CNTNAP4: variants seen among roughly 807,000 people sequenced by gnomAD.
CNTNAP4 encodes contactin associated protein family member 4.
Under a neutral mutation model 148.4 loss-of-function variants are expected in CNTNAP4, and 98 were observed. The observed-to-expected ratio is 0.66, with a 90% CI of 0.56 to 0.78. The LOEUF (loss-of-function observed/expected upper bound fraction) is 0.78. Ranked by LOEUF, CNTNAP4 falls within the 30% of genes least tolerant of loss-of-function variation. The probability of loss-of-function intolerance (pLI) is 0.00; values close to 1 mark genes in which losing one functional copy is unlikely to be tolerated. For synonymous variants in CNTNAP4, 730 were observed against 565.1 expected, an observed-to-expected ratio of 1.29 and a Z score of -4.14; for missense variants, 1,935 against 1,565.6, an observed-to-expected ratio of 1.24 and a Z score of -3.98.
Position 76,448,145 on chromosome 16 carries a change from G to A in CNTNAP4, c.672G>A (p.Arg224=). The part of the protein sequence containing the change: ...TMQSDGILLH[R]EGPNGDHITL... Reference sequence around the variant, plus strand: ...AGAGTGATGGGATTCTACTCCACAGGGAAGGGCCAAATGGAGATCACATCA... The same window carrying A: ...AGAGTGATGGGATTCTACTCCACAGAGAAGGGCCAAATGGAGATCACATCA... Residue 224 remains arginine, a synonymous_variant, in exon 5 of 24, where the codon AGG becomes AGA. Transcript: ENST00000611870. The A allele has an allele frequency of 6.2e-7, 1 of 1,613,522 alleles. No homozygotes were observed. Among genetic ancestry groups the A allele is most frequent in the East Asian group, 2.2e-5 (1 of 44,828 alleles).
At chr16:76,525,757 A>ATATTG (rs1241826601) in intron 17 of CNTNAP4, among the ~76,000 whole-genome samples, 1 of 146,674 alleles carries the variant, frequency 6.8e-6, no homozygotes, top group Admixed American at 6.9e-5. Flanking sequence ...AATATAGCTT[A>ATATTG]TATATAAACA....
At chr16:76,493,282 G>A (rs1488352829) in intron 13 of CNTNAP4, among the ~76,000 whole-genome samples, 1 of 152,160 alleles carries the variant, frequency 6.6e-6, no homozygotes, top group Admixed American at 6.5e-5. Context: ...TGAATAAAGT[G>A]AAATGTGTAT....
At position 76,409,586 on chromosome 16, in the gene CNTNAP4, A is replaced by G. The variant is rs569666418; in HGVS notation, c.391-17866A>G. Among the ~76,000 whole-genome samples the G allele has an allele frequency of 8.3e-4, 126 of 152,178 alleles. 1 individual carries two copies. The highest frequency in any genetic ancestry group is 2.9e-3 in the African/African-American group (120 of 41,568). On this transcript the variant is annotated intron_variant, in intron 3 of 23. Transcript: ENST00000611870. ...AATTATATGCAAAGGCAAACTAGTT[A>G]AAAAGAAAATAAAACTCTACAGTAA... is the stretch of plus-strand genomic sequence containing the variant.
intron 3 of CNTNAP4, among the ~76,000 whole-genome samples, chr16:76,364,442 C>G (rs1031183799): frequency 6.6e-6 from 1 of 151,978 alleles, no homozygotes; most frequent in Non-Finnish European, 1.5e-5. Flanking sequence ...AGTGTACACC[C>G]CCATTCCAGT....
chr16:76,464,997 C>A (rs1261905920), intron 9 of CNTNAP4, among the ~76,000 whole-genome samples: 1 of 152,178 alleles, frequency 6.6e-6, no homozygotes, highest in African/African-American at 2.4e-5. Context: ...CAACATGCAG[C>A]ACAATCTGGG....
intron 12 of CNTNAP4, among the ~76,000 whole-genome samples, chr16:76,481,675 C>G (rs1450326092): frequency 6.6e-6 from 1 of 152,082 alleles, no homozygotes; most frequent in Non-Finnish European, 1.5e-5. Context: ...TTTTATGGAG[C>G]AAAACCAAAG....
intron 3 of CNTNAP4, among the ~76,000 whole-genome samples, chr16:76,384,572 G>A (rs1006517940): frequency 2.0e-5 from 3 of 152,136 alleles, no homozygotes; most frequent in African/African-American, 7.2e-5. Flanking sequence ...CGCACTTGGA[G>A]AGTGTGGGAT....
chr16:76,309,022 T>C (rs1047053638), intron 1 of CNTNAP4, among the ~76,000 whole-genome samples: 2 of 151,578 alleles, frequency 1.3e-5, no homozygotes, highest in African/African-American at 4.9e-5. Flanking sequence ...CTTAGGCTGA[T>C]CTTGAACTCC....
chr16:76,289,841 G>T (rs1237203132), intron 1 of CNTNAP4, among the ~76,000 whole-genome samples: 3 of 152,070 alleles, frequency 2.0e-5, no homozygotes, highest in Non-Finnish European at 4.4e-5. Context: ...AAAGTGCTGG[G>T]ATTACAGGCA....
chr16:76,499,543 T>TTTTA (rs906107990), intron 15 of CNTNAP4, among the ~76,000 whole-genome samples: 60 of 152,028 alleles, frequency 3.9e-4, no homozygotes, highest in African/African-American at 1.1e-3. Flanking sequence ...CCAAGTTCTT[T>TTTTA]TTTATTTATT....
intron 15 of CNTNAP4, among the ~76,000 whole-genome samples, chr16:76,514,583 G>T (rs1312208639): frequency 1.3e-5 from 2 of 152,096 alleles, no homozygotes; most frequent in Non-Finnish European, 2.9e-5. Flanking sequence ...ATGTGTGGGG[G>T]TGGTTAGGGG....
At chr16:76,401,172 A>G (rs1251879908) in intron 3 of CNTNAP4, among the ~76,000 whole-genome samples, 1 of 152,266 alleles carries the variant, frequency 6.6e-6, no homozygotes, top group African/African-American at 2.4e-5. Context: ...ATCTATGAGC[A>G]TGGAATGTTT....
chr16:76,420,405 T>C (rs377278621), intron 3 of CNTNAP4, among the ~76,000 whole-genome samples: 1 of 151,952 alleles, frequency 6.6e-6, no homozygotes, highest in South Asian at 2.1e-4. Flanking sequence ...TTCTGCAAAG[T>C]GTAATTTCAT....
chr16:76,318,711 TAGAG>T (rs961309109), intron 2 of CNTNAP4, among the ~76,000 whole-genome samples: 13 of 78,854 alleles, frequency 1.6e-4, no homozygotes, highest in South Asian at 6.2e-4. Flanking sequence ...ATTTATTTAT[TAGAG>T]AGAATAAATT....
At chr16:76,499,970 C>A (rs1198224486) in intron 15 of CNTNAP4, among the ~76,000 whole-genome samples, 1 of 152,162 alleles carries the variant, frequency 6.6e-6, no homozygotes, top group Non-Finnish European at 1.5e-5. Context: ...TCTACACAGA[C>A]ACAGTAACAA....
chr16:76,473,358 T>C lies in CNTNAP4; in HGVS notation c.1656-2581T>C, dbSNP rs150202250. ...GAGATTGTCAGTGACATTTCTTTTT[T>C]ATTTTTTCCTGGATTGTTTAATTTC... On this transcript the variant is annotated intron_variant, in intron 10 of 23. Coordinates refer to ENST00000611870, the MANE Select transcript of CNTNAP4 (RefSeq NM_033401.5). Among the ~76,000 whole-genome samples, 1,207 of 152,344 alleles carry C rather than the reference T, an allele frequency of 7.9e-3. 6 individuals are homozygous for C. Among genetic ancestry groups the C allele is most frequent in the African/African-American group, 0.016 (664 of 41,580 alleles).
At position 76,407,100 on chromosome 16, in the gene CNTNAP4, C is replaced by T. The variant is rs112063341; in HGVS notation, c.391-20352C>T. ...GACTAATGCAGTTGGTGACTTTAAG[C>T]TGAAGACAGTGCTCATTTACCATTC... On this transcript the variant is annotated intron_variant, in intron 3 of 23. Coordinates refer to ENST00000611870, the MANE Select transcript of CNTNAP4 (RefSeq NM_033401.5). Among the ~76,000 whole-genome samples, 530 of 152,234 alleles carry T rather than the reference C, an allele frequency of 3.5e-3. 2 individuals are homozygous for T. The highest frequency in any genetic ancestry group is 0.012 in the African/African-American group (495 of 41,534).
At chr16:76,374,958 G>A (rs1032379149) in intron 3 of CNTNAP4, among the ~76,000 whole-genome samples, 16 of 151,914 alleles carry the variant, frequency 1.1e-4, no homozygotes, top group African/African-American at 3.9e-4. Flanking sequence ...TAGTAGAGAT[G>A]GGGTTTCACC....
intron 2 of CNTNAP4, among the ~76,000 whole-genome samples, chr16:76,320,287 C>T (rs1423724454): frequency 6.6e-6 from 1 of 152,044 alleles, no homozygotes. Context: ...GCTTTCCAAG[C>T]AAAATAGAAA....
Sources: gnomAD v4.1 joint callset for allele counts (sites outside exome capture counted in the v4.1 genomes callset) on GRCh38, gnomAD v4.1.1 for gene constraint, MANE v1.5 for transcripts, NCBI Gene and HGNC (gene_info 2026-07-23, HGNC 2026-07-21) for gene names.